PYGB: variants seen among roughly 807,000 people sequenced by gnomAD.
PYGB encodes glycogen phosphorylase B, also known as glycogen phosphorylase, brain form.
Under a neutral mutation model 94.3 loss-of-function variants are expected in PYGB, and 82 were observed. The observed-to-expected ratio is 0.87, with a 90% CI of 0.73 to 1.04. PYGB has a LOEUF of 1.04. Ranked by LOEUF, PYGB falls within the 50% of genes least tolerant of loss-of-function variation. The pLI, the probability that PYGB is intolerant of heterozygous loss-of-function variation, is 0.00. For synonymous variants in PYGB, 488 were observed against 479.1 expected, an observed-to-expected ratio of 1.02 and a Z score of -0.24; for missense variants, 1,132 against 1,158.2, an observed-to-expected ratio of 0.98 and a Z score of 0.33.
chr20:25,281,077 G>A lies in PYGB; in HGVS notation c.1368G>A (p.Val456=). Residue 456 remains valine (V), a synonymous_variant, in exon 11 of 20, where the codon GTG becomes GTA. Coordinates refer to ENST00000216962, the MANE Select transcript of PYGB (RefSeq NM_002862.4). ...CVIGSHAVNG[V]ARIHSEIVKQ... is the part of the protein sequence containing the mutation. The stretch of plus-strand genomic sequence containing the variant: ...TTGGGTCCCATGCTGTCAATGGTGT[G>A]GCGAGGATCCACTCGGAGATCGTGA... 6.2e-7 allele frequency: 1 copy of A among 1,614,194 alleles called. No homozygotes were observed. Among genetic ancestry groups the A allele is most frequent in the South Asian group, 1.1e-5 (1 of 91,084 alleles).
intron 16 of PYGB, 36 bp from the exon 17 acceptor site, chr20:25,292,370 C>G (rs762796343): frequency 1.9e-6 from 3 of 1,607,354 alleles, no homozygotes; most frequent in Non-Finnish European, 2.5e-6. Flanking sequence ...CATTGGGGTC[C>G]TCACAGTGAT....
At chr20:25,254,970 C>A (rs2092899076) in intron 1 of PYGB, among the ~76,000 whole-genome samples, 2 of 152,308 alleles carry the variant, frequency 1.3e-5, no homozygotes, top group South Asian at 2.1e-4. Flanking sequence ...ATTGAGCAAA[C>A]AGACCTGTGT....
intron 2 of PYGB, among the ~76,000 whole-genome samples, chr20:25,261,209 A>G (rs1227676902): frequency 6.6e-6 from 1 of 152,174 alleles, no homozygotes; most frequent in Non-Finnish European, 1.5e-5. Flanking sequence ...CGAGTAGCCT[A>G]CCTAACTGGG....
intron 14 of PYGB, among the ~76,000 whole-genome samples, chr20:25,287,970 G>T (rs1465755854): frequency 6.6e-6 from 1 of 152,204 alleles, no homozygotes; most frequent in Non-Finnish European, 1.5e-5. Flanking sequence ...GACAGAGTGA[G>T]CTGCTGTCTC....
Position 25,278,347 on chromosome 20 carries a change from AG to A in PYGB, c.885del (p.Lys295AsnfsTer29). On this transcript the variant is annotated frameshift_variant, in exon 8 of 20. Coordinates refer to ENST00000216962, the MANE Select transcript of PYGB (RefSeq NM_002862.4). LOFTEE classifies it high-confidence loss of function. ...NFFEGKELRL[K>X]QEYFVVAATL... Reference sequence around the variant, plus strand: ...TTTGAGGGGAAGGAGCTGCGGCTGAAGCAGGAGTACTTCGTGGTGGCCGCCA... The same window carrying A: ...TTTGAGGGGAAGGAGCTGCGGCTGAACAGGAGTACTTCGTGGTGGCCGCCA... The A allele has an allele frequency of 6.2e-7, 1 of 1,610,104 alleles. No individual in the cohort carries two copies. The highest frequency in any genetic ancestry group is 1.1e-5 in the South Asian group (1 of 90,916).
chr20:25,281,230 C>G, intron 11 of PYGB, 118 bp downstream of exon 11: 1 of 1,340,810 alleles, frequency 7.5e-7, no homozygotes, highest in South Asian at 1.4e-5. Flanking sequence ...GCCACTAGGC[C>G]CCTGCCTCCA....
intron 5 of PYGB, among the ~76,000 whole-genome samples, chr20:25,275,393 G>A (rs1334410426): frequency 2.6e-5 from 4 of 152,248 alleles, no homozygotes; most frequent in African/African-American, 7.2e-5. Flanking sequence ...GACTGGGGCA[G>A]GGCAGGGGCT....
intron 18 of PYGB, chr20:25,295,046 T>C: frequency 6.2e-7 from 1 of 1,614,042 alleles, no homozygotes; most frequent in East Asian, 2.2e-5. Flanking sequence ...ATAAAGGAAG[T>C]GCTTTTAAAA....
chr20:25,260,941 G>A (rs964975914), intron 2 of PYGB, among the ~76,000 whole-genome samples: 18 of 152,242 alleles, frequency 1.2e-4, no homozygotes, highest in Non-Finnish European at 2.5e-4. Flanking sequence ...AGGGGCGTCC[G>A]CCATTGCTGA....
intron 1 of PYGB, among the ~76,000 whole-genome samples, chr20:25,250,288 C>G (rs6050487): frequency 0.065 from 9,909 of 152,212 alleles, 1,001 homozygotes; most frequent in African/African-American, 0.22. Context: ...TGTATAATCA[C>G]ATCCTGGAGA....
At chr20:25,281,215 C>A in intron 11 of PYGB, 103 bp downstream of exon 11, 1 of 1,434,900 alleles carries the variant, frequency 7.0e-7, no homozygotes, top group Non-Finnish European at 9.5e-7. Flanking sequence ...TAGCATACAA[C>A]CTGTGCCACT....
chr20:25,251,761 G>A (rs1455601272), intron 1 of PYGB, among the ~76,000 whole-genome samples: 1 of 152,238 alleles, frequency 6.6e-6, no homozygotes, highest in African/African-American at 2.4e-5. Context: ...CACCCCTGCA[G>A]TGGATGTAAC....
chr20:25,262,701 G>A (rs549737544), intron 2 of PYGB, among the ~76,000 whole-genome samples: 32 of 148,162 alleles, frequency 2.2e-4, no homozygotes, highest in African/African-American at 8.2e-4. Context: ...ACCCATCAGT[G>A]TGCTGTATTC....
At chr20:25,274,776 C>G in intron 5 of PYGB, 53 bp downstream of exon 5, 1 of 1,588,066 alleles carries the variant, frequency 6.3e-7, no homozygotes, top group Non-Finnish European at 8.5e-7. Context: ...GAGGGGGCTG[C>G]TGCGGCTCAT....
At chr20:25,269,390 T>G (rs889131071) in intron 3 of PYGB, among the ~76,000 whole-genome samples, 183 bp downstream of exon 3, 5 of 152,212 alleles carry the variant, frequency 3.3e-5, no homozygotes, top group Non-Finnish European at 7.3e-5. Context: ...GTATGTTTTC[T>G]TTCACACAAG....
At chr20:25,258,218 C>T (rs2092906398) in intron 1 of PYGB, among the ~76,000 whole-genome samples, 1 of 152,122 alleles carries the variant, frequency 6.6e-6, no homozygotes, top group South Asian at 2.1e-4. Flanking sequence ...CTTTATGGAC[C>T]TCACCGACGA....
chr20:25,282,281 A>C (rs1325938307), intron 12 of PYGB, 134 bp downstream of exon 12: 3 of 721,088 alleles, frequency 4.2e-6, no homozygotes, highest in African/African-American at 3.6e-5. Flanking sequence ...AGGCTTCTGG[A>C]CATGAGGGCT....
At chr20:25,278,277 A>ATTGCCC in intron 7 of PYGB, 42 bp from the exon 8 acceptor site, 1 of 436,096 alleles carries the variant, frequency 2.3e-6, no homozygotes, top group Non-Finnish European at 3.0e-6. Flanking sequence ...GGGGAGGAGA[A>ATTGCCC]TGGCCCAGCC....
intron 5 of PYGB, among the ~76,000 whole-genome samples, chr20:25,275,038 G>A (rs780408880): frequency 6.2e-4 from 95 of 152,240 alleles, no homozygotes; most frequent in Non-Finnish European, 9.3e-4. Flanking sequence ...CGAGAACCCC[G>A]CTGCTTAAGG....
Sources: gnomAD v4.1 joint callset for allele counts (sites outside exome capture counted in the v4.1 genomes callset) on GRCh38, gnomAD v4.1.1 for gene constraint, MANE v1.5 for transcripts, NCBI Gene and HGNC (gene_info 2026-07-23, HGNC 2026-07-21) for gene names.